ANO2: variants seen among roughly 807,000 people sequenced by gnomAD.
The protein encoded by ANO2 is anoctamin-2.
A neutral mutation model predicts 124.2 loss-of-function variants in ANO2; 101 were observed. The observed-to-expected ratio is 0.81, with a 90% CI of 0.69 to 0.96. The LOEUF is 0.96. Ranked by LOEUF, ANO2 falls within the 40% of genes least tolerant of loss-of-function variation. ANO2 has a pLI of 0.00. For missense variants in ANO2, 1,293 were observed against 1,274.5 expected (o/e 1.01, Z -0.22); for synonymous variants, 486 against 482.5 (o/e 1.01, Z -0.09).
chr12:5,693,842 G>A (rs1378291221), intron 14 of ANO2, among the ~76,000 whole-genome samples: 1 of 152,100 alleles, frequency 6.6e-6, no homozygotes, highest in Non-Finnish European at 1.5e-5. Context: ...TCCTCCACTT[G>A]CATCTGGGTT....
intron 23 of ANO2, 97 bp from the exon 24 acceptor site, chr12:5,565,760 G>A (rs957718930): frequency 2.1e-5 from 20 of 946,578 alleles, no homozygotes; most frequent in Non-Finnish European, 2.7e-5. Flanking sequence ...GGAGCATCAG[G>A]CACGCATGCC....
Position 5,575,981 on chromosome 12 carries a change from G to A in ANO2, c.2474C>T (p.Pro825Leu), listed in dbSNP as rs144224656. The change falls in exon 23 of 25, where the codon CCC becomes CTC. Residue 825 changes from proline (P) to leucine (L), a missense_variant. Pro to Leu is a moderately conservative substitution (Grantham distance 98, BLOSUM62 -3). Transcript: ENST00000682330. ...FVIAITSDFI[P>L]RLVYQYSYSH... ...GTAGGAGTACTGGTACACCAGGCGG[G>A]GGATAAAGTCGGAGGTGATCGCAAT... 4.5e-3 allele frequency: 7,263 copies of A among 1,611,696 alleles called. 23 individuals are homozygous for A. Among genetic ancestry groups the A allele is most frequent in the Non-Finnish European group, 5.6e-3 (6,601 of 1,178,902 alleles).
chr12:5,575,935 G>A lies in ANO2; in HGVS notation c.2520C>T (p.His840=), dbSNP rs755523500. Residue 840 remains histidine (H), a synonymous_variant, in exon 23 of 25, where the codon CAC becomes CAT. Coordinates refer to ENST00000682330, the MANE Select transcript of ANO2 (RefSeq NM_001364791.2). The part of the protein sequence containing the change: ...QYSYSHNGTL[H]GFVNHTLSFF... ...AGGAGAGGGTGTGGTTGACAAAGCCGTGCAGAGTCCCATTGTGACTGTAGG... is the reference window on the plus strand; with the variant it reads ...AGGAGAGGGTGTGGTTGACAAAGCCATGCAGAGTCCCATTGTGACTGTAGG... 1.1e-5 allele frequency: 18 copies of A among 1,613,224 alleles called. No homozygotes were observed. The highest frequency in any genetic ancestry group is 4.5e-5 in the East Asian group (2 of 44,868).
At chr12:5,819,296 C>T (rs963524993) in intron 7 of ANO2, among the ~76,000 whole-genome samples, 1 of 152,072 alleles carries the variant, frequency 6.6e-6, no homozygotes, top group Non-Finnish European at 1.5e-5. Context: ...AGGTGCACTA[C>T]ATTAGAAAAG....
chr12:5,934,611 T>C (rs960656486), intron 1 of ANO2, among the ~76,000 whole-genome samples: 1 of 152,130 alleles, frequency 6.6e-6, no homozygotes, highest in Admixed American at 6.5e-5. Flanking sequence ...GTATGGCTGA[T>C]GAGATTAAGG....
At chr12:5,907,355 C>T (rs754602158) in intron 3 of ANO2, among the ~76,000 whole-genome samples, 20 of 152,172 alleles carry the variant, frequency 1.3e-4, no homozygotes, top group East Asian at 9.6e-4. Flanking sequence ...TAAATGGCTA[C>T]GCCTAAAATT....
intron 14 of ANO2, among the ~76,000 whole-genome samples, chr12:5,688,706 G>A (rs183614751): frequency 6.6e-6 from 1 of 152,258 alleles, no homozygotes; most frequent in Admixed American, 6.5e-5. Context: ...AAATGTAATA[G>A]GGCCTGGGCA....
chr12:5,890,622 G>A lies in ANO2; in HGVS notation c.534+30418C>T, dbSNP rs375845095. Among the ~76,000 whole-genome samples, 12 of 152,180 alleles carry A rather than the reference G, an allele frequency of 7.9e-5. 1 individual carries two copies. The highest frequency in any genetic ancestry group is 4.1e-4 in the South Asian group (2 of 4,828). On this transcript the variant is annotated intron_variant, in intron 3 of 24. Transcript: ENST00000682330. ...TAGAGATGAACATGCAGTTTACAGC[G>A]CAAGTCAGTGAGGCCCATCATAAAG...
chr12:5,922,455 G>A (rs1468149257), intron 2 of ANO2, among the ~76,000 whole-genome samples, 165 bp downstream of exon 2: 1 of 152,224 alleles, frequency 6.6e-6, no homozygotes, highest in Non-Finnish European at 1.5e-5. Context: ...GGGAAAGTGT[G>A]CCTGACTTGG....
intron 14 of ANO2, among the ~76,000 whole-genome samples, chr12:5,725,854 C>T (rs553259303): frequency 3.3e-5 from 5 of 152,164 alleles, no homozygotes; most frequent in South Asian, 4.2e-4. Flanking sequence ...TGCTGACCCA[C>T]GTAGAATGAG....
chr12:5,825,721 G>C (rs1426986086), intron 7 of ANO2, among the ~76,000 whole-genome samples: 2 of 152,140 alleles, frequency 1.3e-5, no homozygotes, highest in African/African-American at 2.4e-5. Context: ...CAGAGGTAAG[G>C]AAGAGTGTAC....
chr12:5,767,907 C>T (rs1951946448), intron 10 of ANO2, among the ~76,000 whole-genome samples: 1 of 152,134 alleles, frequency 6.6e-6, no homozygotes, highest in South Asian at 2.1e-4. Flanking sequence ...CTGGGGTGTC[C>T]CTTCCTTGTT....
chr12:5,583,535 C>G lies in ANO2; in HGVS notation c.2234-5017G>C, dbSNP rs992629639. ...GGGCGCAGTGGCGGGCGCCTGTAGT[C>G]CCAGCTACTCGGGAGGCTGAGGCAG... On this transcript the variant is annotated intron_variant, in intron 20 of 24. Transcript: ENST00000682330. Among the ~76,000 whole-genome samples the G allele has an allele frequency of 5.3e-5, 8 of 150,536 alleles. No homozygotes were observed. In the East Asian group the frequency reaches 1.6e-3, roughly 29 times the overall value.
intron 19 of ANO2, among the ~76,000 whole-genome samples, chr12:5,606,640 G>T (rs1434955586): frequency 1.3e-5 from 2 of 152,108 alleles, no homozygotes; most frequent in Non-Finnish European, 2.9e-5. Flanking sequence ...AGGTAATGGG[G>T]GGAAATTTAA....
rs1440197941 is a variant in ANO2 at position 5,604,443 on chromosome 12, C to T, written c.2088-4814G>A. Among the ~76,000 whole-genome samples the T allele has an allele frequency of 8.5e-5, 13 of 152,058 alleles. No homozygotes were observed. In the East Asian group the frequency reaches 2.5e-3, roughly 29 times the overall value. On this transcript the variant is annotated intron_variant, in intron 19 of 24. Transcript: ENST00000682330. ...CTGAGAATCATCGTGGAAAGAGCGG[C>T]GGAAGCCCTAGGAATGAGCAATGCC...
chr12:5,729,078 T>C (rs1950542210), intron 14 of ANO2, among the ~76,000 whole-genome samples: 1 of 152,188 alleles, frequency 6.6e-6, no homozygotes, highest in Non-Finnish European at 1.5e-5. Context: ...GATTAGGCAA[T>C]GGTTTCTTAG....
intron 11 of ANO2, among the ~76,000 whole-genome samples, chr12:5,747,988 G>A (rs1176938204): frequency 6.6e-6 from 1 of 152,104 alleles, no homozygotes; most frequent in Admixed American, 6.5e-5. Flanking sequence ...ACATCTATGT[G>A]CACGTGCATG....
At chr12:5,634,518 A>AGCATGAAT (rs1182211310) in intron 16 of ANO2, among the ~76,000 whole-genome samples, 2 of 152,184 alleles carry the variant, frequency 1.3e-5, no homozygotes, top group East Asian at 3.8e-4. Flanking sequence ...CCACCCAATA[A>AGCATGAAT]GCATGAATGC....
rs1477417835 is a variant in ANO2 at position 5,945,198 on chromosome 12, C to T, written c.20G>A (p.Arg7His). The change falls in exon 1 of 25, where the codon CGC (arginine) becomes CAC (histidine). Residue 7 changes from arginine (R) to histidine (H), a missense_variant and splice_region_variant. Arg to His is a conservative substitution (Grantham distance 29). Coordinates refer to ENST00000682330, the MANE Select transcript of ANO2 (RefSeq NM_001364791.2). ...CCAGGTCCAGCCGGAAAACTCACCG[C>T]GCGGCCCGGGAGTCGCCATGATGTG... MATPGP[R>H]DIPLLPGSPR... 1 of 1,288,736 alleles carries T rather than the reference C, an allele frequency of 7.8e-7. No individual in the cohort carries two copies. Among genetic ancestry groups the T allele is most frequent in the Admixed American group, 2.3e-5 (1 of 43,496 alleles). 79.8% of individuals were successfully genotyped at this position (1,288,736 alleles called of 1,614,324 possible).
Sources: gnomAD v4.1 joint callset for allele counts (sites outside exome capture counted in the v4.1 genomes callset) on GRCh38, gnomAD v4.1.1 for gene constraint, MANE v1.5 for transcripts, NCBI Gene and HGNC (gene_info 2026-07-23, HGNC 2026-07-21) for gene names.